PTPRM: variants seen among roughly 807,000 people sequenced by gnomAD.
PTPRM encodes protein tyrosine phosphatase receptor type M.
A neutral mutation model predicts 186.7 loss-of-function variants in PTPRM; 47 were observed. The observed-to-expected ratio is 0.25, with a 90% confidence interval of 0.20 to 0.32. The LOEUF is 0.32. Ranked by LOEUF, PTPRM falls within the 10% of genes least tolerant of loss-of-function variation. The pLI is 1.00. For synonymous variants in PTPRM, 668 were observed against 674.9 expected (o/e 0.99, Z 0.16); for missense variants, 1,494 against 1,865.0 (o/e 0.80, Z 3.66).
At chr18:7,785,215 T>C (rs2043042886) in intron 2 of PTPRM, among the ~76,000 whole-genome samples, 1 of 151,946 alleles carries the variant, frequency 6.6e-6, no homozygotes, top group Non-Finnish European at 1.5e-5. Flanking sequence ...TCTGGCAAAG[T>C]GAGAAGAAAA....
chr18:7,782,087 T>TA (rs2042884342), intron 2 of PTPRM, among the ~76,000 whole-genome samples: 1 of 152,174 alleles, frequency 6.6e-6, no homozygotes, highest in South Asian at 2.1e-4. Context: ...GTTTCAAAAT[T>TA]ACAAAATTTA....
intron 14 of PTPRM, among the ~76,000 whole-genome samples, chr18:8,189,450 C>G (rs2093683528): frequency 6.6e-6 from 1 of 152,140 alleles, no homozygotes; most frequent in Non-Finnish European, 1.5e-5. Context: ...TGGACAGGTG[C>G]TTTGTCACCC....
intron 14 of PTPRM, among the ~76,000 whole-genome samples, chr18:8,159,871 A>T (rs1433069152): frequency 1.3e-5 from 2 of 152,106 alleles, no homozygotes; most frequent in African/African-American, 4.8e-5. Context: ...TAAAAAAAAA[A>T]TTTCAGGGAT....
chr18:8,272,457 C>T (rs1308643293), intron 19 of PTPRM, among the ~76,000 whole-genome samples: 2 of 151,730 alleles, frequency 1.3e-5, no homozygotes, highest in Non-Finnish European at 1.5e-5. Context: ...ATTGATTTTC[C>T]TCTAAGTAAC....
chr18:8,369,247 G>T (rs558419610), intron 23 of PTPRM, among the ~76,000 whole-genome samples: 1 of 152,194 alleles, frequency 6.6e-6, no homozygotes. Flanking sequence ...TTAAAAACTC[G>T]TTCTTACCTG....
At chr18:8,152,578 ATTAT>A (rs948818241) in intron 14 of PTPRM, among the ~76,000 whole-genome samples, 1 of 151,322 alleles carries the variant, frequency 6.6e-6, no homozygotes, top group Non-Finnish European at 1.5e-5. Context: ...TTTTTCATTC[ATTAT>A]TTATTTTCAT....
At chr18:7,985,165 A>G (rs1167040989) in intron 7 of PTPRM, among the ~76,000 whole-genome samples, 11 of 128,422 alleles carry the variant, frequency 8.6e-5, no homozygotes, top group Non-Finnish European at 7.8e-5. Context: ...ACATATAAAT[A>G]TATACATATA....
chr18:8,370,774 A>G lies in PTPRM; in HGVS notation c.3055-116A>G, dbSNP rs1054597230. The G allele has an allele frequency of 1.0e-5, 6 of 593,464 alleles. No individual in the cohort carries two copies. In the Admixed American group the frequency reaches 1.7e-4, roughly 17 times the overall value. The allele number at this position is 593,464 out of a possible 1,614,324, so 36.8% of individuals were successfully genotyped here. On this transcript the variant is annotated intron_variant, in intron 23 of 32. Transcript: ENST00000580170. The stretch of plus-strand genomic sequence containing the variant: ...CAAAAAATAGACCTTCCTCTTGAGT[A>G]TACAATTAACTTTTGTGTGCAAATT...
At chr18:7,672,895 C>G (rs1187759591) in intron 1 of PTPRM, among the ~76,000 whole-genome samples, 1 of 152,162 alleles carries the variant, frequency 6.6e-6, no homozygotes, top group East Asian at 1.9e-4. Flanking sequence ...TGCACGCACA[C>G]CTGCGTGCAC....
At chr18:8,022,191 G>C (rs540993616) in intron 7 of PTPRM, among the ~76,000 whole-genome samples, 1 of 152,090 alleles carries the variant, frequency 6.6e-6, no homozygotes, top group Admixed American at 6.6e-5. Context: ...GCTGTCCCAG[G>C]GTCAGGGACA....
At chr18:7,624,621 G>A (rs2038016979) in intron 1 of PTPRM, among the ~76,000 whole-genome samples, 1 of 152,048 alleles carries the variant, frequency 6.6e-6, no homozygotes, top group African/African-American at 2.4e-5. Flanking sequence ...GACTGTAGGT[G>A]CGTGCTGCCA....
intron 30 of PTPRM, among the ~76,000 whole-genome samples, chr18:8,385,865 G>A (rs571241463): frequency 4.6e-5 from 7 of 152,310 alleles, no homozygotes; most frequent in East Asian, 1.9e-4. Context: ...AATAATCCCC[G>A]TGAGAAATGA....
intron 2 of PTPRM, among the ~76,000 whole-genome samples, chr18:7,858,682 G>A (rs2047205282): frequency 6.6e-6 from 1 of 152,218 alleles, no homozygotes; most frequent in Admixed American, 6.5e-5. Flanking sequence ...TTAACGCAGT[G>A]CGTGGAAATG....
At chr18:8,138,788 C>G (rs1339914397) in intron 13 of PTPRM, among the ~76,000 whole-genome samples, 4 of 152,136 alleles carry the variant, frequency 2.6e-5, no homozygotes, top group African/African-American at 7.2e-5. Context: ...ATCAACTTGC[C>G]CTCTCTATGG....
At chr18:8,392,713 A>T (rs746306457) in intron 31 of PTPRM, among the ~76,000 whole-genome samples, 1 of 152,174 alleles carries the variant, frequency 6.6e-6, no homozygotes, top group Non-Finnish European at 1.5e-5. Flanking sequence ...CTGGACCATT[A>T]TGTGGTTGCA....
At chr18:8,263,701 G>A (rs1368155610) in intron 19 of PTPRM, among the ~76,000 whole-genome samples, 1 of 152,118 alleles carries the variant, frequency 6.6e-6, no homozygotes, top group East Asian at 1.9e-4. Flanking sequence ...GAGGGGTAGA[G>A]GCAGCTAGAG....
intron 22 of PTPRM, among the ~76,000 whole-genome samples, chr18:8,327,167 A>G (rs923729062): frequency 3.9e-5 from 6 of 152,212 alleles, no homozygotes; most frequent in African/African-American, 1.4e-4. Flanking sequence ...GGCTATCCAG[A>G]TAGGCCCCAC....
At chr18:8,142,877 A>T (rs1313879870) in intron 13 of PTPRM, among the ~76,000 whole-genome samples, 1 of 152,212 alleles carries the variant, frequency 6.6e-6, no homozygotes, top group African/African-American at 2.4e-5. Flanking sequence ...ATATTTCATC[A>T]GACATGGATT....
chr18:7,820,600 G>A (rs905808574), intron 2 of PTPRM, among the ~76,000 whole-genome samples: 2 of 151,980 alleles, frequency 1.3e-5, no homozygotes, highest in Non-Finnish European at 2.9e-5. Flanking sequence ...TGGCCCCTTC[G>A]AGGCACCCCC....
Sources: allele counts gnomAD v4.1 joint callset (sites outside exome capture counted in the v4.1 genomes callset), GRCh38; gene constraint gnomAD v4.1.1; transcripts MANE v1.5; gene names NCBI Gene and HGNC (gene_info 2026-07-23, HGNC 2026-07-21).